Variants in MAX observed in about 807,000 individuals in gnomAD.
MAX encodes the protein protein max.
In MAX, 3 loss-of-function variants were observed where a neutral mutation model predicts 22.3. That is an observed-to-expected ratio of 0.13 (90% CI 0.06 to 0.35). The LOEUF (loss-of-function observed/expected upper bound fraction) is 0.35. MAX is among the 10% of genes least tolerant of loss of function. MAX has a pLI of 1.00. For synonymous variants in MAX, 72 were observed against 77.7 expected, an observed-to-expected ratio of 0.93 and a Z score of 0.39; for missense variants, 119 against 209.4, an observed-to-expected ratio of 0.57 and a Z score of 2.66.
intron 3 of MAX, among the ~76,000 whole-genome samples, chr14:65,021,414 C>T (rs1371479341): frequency 2.0e-5 from 3 of 152,124 alleles, no homozygotes; most frequent in Admixed American, 2.0e-4. Flanking sequence ...CCGGAATAGC[C>T]CCTTAAATAT....
Position 65,044,133 on chromosome 14 carries a change from T to C in MAX, c.172-37849A>G, listed in dbSNP as rs1322769173. Among the ~76,000 whole-genome samples the C allele has an allele frequency of 6.6e-6, 1 of 152,144 alleles. No homozygotes were observed. Among genetic ancestry groups the C allele is most frequent in the African/African-American group, 2.4e-5 (1 of 41,422 alleles). On this transcript the variant is annotated intron_variant, in intron 3 of 3. Transcript: ENST00000341653. The surrounding 1 kb of genome is among the most constrained non-coding windows in gnomAD (Gnocchi z 5.5). ...TACAGCGTTGGCTTAAATGCTTCACTCTGTGTCTATGGCAGTGTGGGGAGG... is the reference window on the plus strand; with the variant it reads ...TACAGCGTTGGCTTAAATGCTTCACCCTGTGTCTATGGCAGTGTGGGGAGG...
At chr14:65,034,196 C>T (rs566111505) in intron 3 of MAX, among the ~76,000 whole-genome samples, 1 of 152,330 alleles carries the variant, frequency 6.6e-6, no homozygotes, top group East Asian at 1.9e-4. Flanking sequence ...CCTTCTGGAG[C>T]CCTCTGCCCT....
At chr14:65,087,949 G>A (rs772433080) in intron 3 of MAX, among the ~76,000 whole-genome samples, 8 of 152,142 alleles carry the variant, frequency 5.3e-5, no homozygotes, top group African/African-American at 7.2e-5. Context: ...TGCTGTTCTC[G>A]TGATAGTGAA....
At chr14:65,055,025 C>T (rs60233922) in intron 3 of MAX, among the ~76,000 whole-genome samples, 18,739 of 152,268 alleles carry the variant, frequency 0.12, 2,453 homozygotes, top group African/African-American at 0.33. Context: ...CCAGCAGGCT[C>T]GTGATAGCAC....
chr14:65,026,095 T>C (rs2061975422), intron 3 of MAX, among the ~76,000 whole-genome samples: 1 of 152,132 alleles, frequency 6.6e-6, no homozygotes, highest in Non-Finnish European at 1.5e-5. Flanking sequence ...CTGGCAGCAG[T>C]AGCAAGGAAA....
chr14:65,046,078 G>A lies in MAX; in HGVS notation c.172-39794C>T, dbSNP rs547938544. On this transcript the variant is annotated intron_variant, in intron 3 of 3. Transcript: ENST00000341653. Reference sequence around the variant, plus strand: ...TGCAACCTCTGCCCCCTGGGTTCAAGTAATTCTCCTGCCTTAGCCTCCTAA... The same window carrying A: ...TGCAACCTCTGCCCCCTGGGTTCAAATAATTCTCCTGCCTTAGCCTCCTAA... Among the ~76,000 whole-genome samples the A allele has an allele frequency of 1.0e-3, 156 of 152,318 alleles. 1 individual carries two copies. Among genetic ancestry groups the A allele is most frequent in the African/African-American group, 3.4e-3 (142 of 41,572 alleles).
intron 2 of MAX, 121 bp downstream of exon 2, chr14:65,101,425 T>G (rs1456050181): frequency 1.1e-6 from 1 of 894,264 alleles, no homozygotes; most frequent in Admixed American, 2.4e-5. Flanking sequence ...CTCACCTTAG[T>G]GGTTAACATT....
rs34066098 is a variant in MAX at position 65,018,809 on chromosome 14, T to TAA, written c.172-12527_172-12526dup. On this transcript the variant is annotated intron_variant, in intron 3 of 3. Transcript: ENST00000341653. ...TGGAGGACAGAGTGAGACTCTGTCTTAAAAAAAAAAAAAAAAAAAGGCCAG... is the reference window on the plus strand; with the variant it reads ...TGGAGGACAGAGTGAGACTCTGTCTTAAAAAAAAAAAAAAAAAAAAAGGCCAG... Among the ~76,000 whole-genome samples, 702 of 108,444 alleles carry TAA rather than the reference T, an allele frequency of 6.5e-3. 5 individuals carry two copies. Among genetic ancestry groups the TAA allele is most frequent in the African/African-American group, 9.6e-3 (268 of 27,908 alleles). 71.1% of individuals were successfully genotyped at this position (108,444 alleles called of 152,430 possible).
downstream of MAX, among the ~76,000 whole-genome samples, chr14:65,070,777 G>A (rs1291033239): frequency 6.6e-6 from 1 of 152,228 alleles, no homozygotes; most frequent in Non-Finnish European, 1.5e-5. The surrounding 1 kb of genome is among the most constrained non-coding windows in gnomAD (Gnocchi z 4.4). Context: ...GCTGACCACT[G>A]TCATAACCAG....
rs570891886 is a variant in MAX at position 65,029,648 on chromosome 14, G to T, written c.172-23364C>A. 4.8e-4 allele frequency among the ~76,000 whole-genome samples: 73 copies of T among 152,334 alleles called. No individual in the cohort carries two copies. Among genetic ancestry groups the T allele is most frequent in the African/African-American group, 1.7e-3 (71 of 41,572 alleles). On this transcript the variant is annotated intron_variant, in intron 3 of 3. Transcript: ENST00000341653. This position sits in a 1 kb window ranked among gnomAD's most constrained non-coding sequence, Gnocchi z 4.7. ...TGGAGGCAGGGATCTAGCATTTGCA[G>T]AAGTTTGGTGAGAAAGCATGTGTTG...
chr14:65,006,243 A>G (rs143291877), exon 4 of MAX: 7 of 1,611,738 alleles, frequency 4.3e-6, no homozygotes, highest in Non-Finnish European at 5.9e-6. Flanking sequence ...GCAAGTGTTC[A>G]TAAGGAAAGA....
At chr14:65,026,075 T>C (rs1309017544) in intron 3 of MAX, among the ~76,000 whole-genome samples, 3 of 152,206 alleles carry the variant, frequency 2.0e-5, no homozygotes, top group African/African-American at 7.2e-5. Context: ...GAGTAGGCTA[T>C]GTAGTCTTTC....
chr14:65,030,343 T>G lies in MAX; in HGVS notation c.172-24059A>C, dbSNP rs1213964350. Among the ~76,000 whole-genome samples, 1 of 152,244 alleles carries G rather than the reference T, an allele frequency of 6.6e-6. No homozygotes were observed. Among genetic ancestry groups the G allele is most frequent in the African/African-American group, 2.4e-5 (1 of 41,456 alleles). The stretch of plus-strand genomic sequence containing the variant: ...ACTAAACTTCCACTGTGCCTTTGGC[T>G]GCTAAAAATGCTGGTAGGATCATAA... On this transcript the variant is annotated intron_variant, in intron 3 of 3. Coordinates refer to the MAX transcript ENST00000341653. The surrounding 1 kb of genome is among the most constrained non-coding windows in gnomAD (Gnocchi z 4.5).
intron 3 of MAX, chr14:65,090,690 A>G (rs1342051059): frequency 1.3e-5 from 2 of 152,046 alleles, no homozygotes; most frequent in African/African-American, 4.8e-5. Flanking sequence ...TTTTTTGTAG[A>G]GATGCAGTTT....
At chr14:65,097,373 A>T (rs948334062) in intron 2 of MAX, among the ~76,000 whole-genome samples, 1 of 152,236 alleles carries the variant, frequency 6.6e-6, no homozygotes, top group African/African-American at 2.4e-5. Flanking sequence ...TGTTCAAGGC[A>T]TCACATCAGT....
chr14:65,026,510 T>G (rs2061984405), intron 3 of MAX, among the ~76,000 whole-genome samples: 1 of 152,152 alleles, frequency 6.6e-6, no homozygotes, highest in Admixed American at 6.5e-5. Flanking sequence ...AAGGTGAGCA[T>G]GAGAGCAGCC....
intron 1 of MAX, among the ~76,000 whole-genome samples, chr14:65,101,888 G>A (rs1436429412): frequency 6.6e-6 from 1 of 152,296 alleles, no homozygotes; most frequent in East Asian, 1.9e-4. Flanking sequence ...CCCTTCCCCG[G>A]CCCCCAGGAT....
At position 65,031,044 on chromosome 14, in the gene MAX, A is replaced by G. The variant is rs2062071576; in HGVS notation, c.172-24760T>C. ...GCTAGTCTCGAACTCCTGACCTCAA[A>G]TAATCCACCTGCCTTAGCCTCCCAA... On this transcript the variant is annotated intron_variant, in intron 3 of 3. Transcript: ENST00000341653. The surrounding 1 kb of genome is among the most constrained non-coding windows in gnomAD (Gnocchi z 4.6). Among the ~76,000 whole-genome samples, 1 of 151,994 alleles carries G rather than the reference A, an allele frequency of 6.6e-6. No homozygotes were observed. The highest frequency in any genetic ancestry group is 6.5e-5 in the Admixed American group (1 of 15,270).
rs1446384841 is a variant in MAX at position 65,076,458 on chromosome 14, T to C, written c.*18A>G. On this transcript the variant is annotated 3_prime_UTR_variant, in exon 5 of 5. Coordinates refer to ENST00000358664, the MANE Select transcript of MAX (RefSeq NM_002382.5). The surrounding 1 kb of genome is among the most constrained non-coding windows in gnomAD (Gnocchi z 6.6). ...GATGGAGACAGACAGTTTTTATTGC[T>C]GGCCTGCCCCGAGTGGCTTAGCTGG... is the stretch of plus-strand genomic sequence containing the variant. The C allele has an allele frequency of 1.2e-6, 2 of 1,612,680 alleles. No homozygotes were observed. The highest frequency in any genetic ancestry group is 1.7e-5 in the Admixed American group (1 of 60,004).
Sources: allele counts gnomAD v4.1 joint callset (sites outside exome capture counted in the v4.1 genomes callset), GRCh38; gene constraint gnomAD v4.1.1; non-coding constraint Gnocchi (gnomAD v3.1); transcripts MANE v1.5; gene names NCBI Gene and HGNC (gene_info 2026-07-23, HGNC 2026-07-21).